The following CSMD1 variants were observed in gnomAD, a reference collection of about 807,000 sequenced individuals.
The protein encoded by CSMD1 is CUB and sushi domain-containing protein 1.
In CSMD1, 213 loss-of-function variants were observed where a neutral mutation model predicts 417.5. The observed-to-expected ratio is 0.51, with a 90% confidence interval of 0.46 to 0.57. CSMD1 has a LOEUF of 0.57. Among genes scored for constraint, CSMD1 ranks in the 20% least tolerant of loss-of-function variants. The pLI is 0.00. For missense variants in CSMD1, 6,923 were observed against 4,529.7 expected, an observed-to-expected ratio of 1.53 and a Z score of -15.17; for synonymous variants, 2,862 against 1,736.8, an observed-to-expected ratio of 1.65 and a Z score of -16.11.
intron 3 of CSMD1, among the ~76,000 whole-genome samples, chr8:4,036,964 T>G (rs1232226965): frequency 6.0e-4 from 38 of 63,804 alleles, no homozygotes; most frequent in African/African-American, 3.3e-3. Context: ...GGGGTGTGTG[T>G]GTGTGTGTGT....
At chr8:4,777,300 G>A (rs1339273231) in intron 1 of CSMD1, among the ~76,000 whole-genome samples, 1 of 152,200 alleles carries the variant, frequency 6.6e-6, no homozygotes, top group Non-Finnish European at 1.5e-5. Context: ...CTCAGTAGGT[G>A]GACGAAACCA....
intron 48 of CSMD1, 144 bp from the exon 49 acceptor site, chr8:3,087,429 G>C (rs1814621418): frequency 7.3e-6 from 6 of 824,934 alleles, no homozygotes; most frequent in Non-Finnish European, 1.1e-5. Flanking sequence ...TTGTTCTAAA[G>C]AGCATTCCAA....
rs1227337045 is a variant in CSMD1 at position 4,320,506 on chromosome 8, C to T, written c.415+99447G>A. Among the ~76,000 whole-genome samples the T allele has an allele frequency of 2.0e-5, 3 of 152,088 alleles. 1 individual carries two copies. The South Asian group carries it at 6.2e-4, about 32-fold the overall frequency. On this transcript the variant is annotated intron_variant, in intron 3 of 69. Transcript: ENST00000635120. The stretch of plus-strand genomic sequence containing the variant: ...TATTTTTCCTAATGCTATTCCTCCC[C>T]TAGACCCCCACCCCCCAACAGGCCC...
intron 4 of CSMD1, among the ~76,000 whole-genome samples, chr8:4,010,119 T>C (rs901923875): frequency 1.3e-5 from 2 of 152,216 alleles, no homozygotes; most frequent in South Asian, 4.1e-4. Flanking sequence ...CTTCCTCTGA[T>C]GGAAACCTGA....
chr8:3,614,055 G>T (rs530438833), intron 8 of CSMD1, among the ~76,000 whole-genome samples: 8 of 152,140 alleles, frequency 5.3e-5, no homozygotes, highest in South Asian at 2.1e-4. Context: ...TAACTAGCTT[G>T]TCTCTGTTAT....
chr8:4,921,059 GAAAA>G (rs1806461301), intron 1 of CSMD1, among the ~76,000 whole-genome samples: 1 of 127,834 alleles, frequency 7.8e-6, no homozygotes, highest in Non-Finnish European at 1.7e-5. Context: ...AAAAGAGAAA[GAAAA>G]GAAAGAGAAA....
chr8:3,853,035 G>T (rs369828852), intron 5 of CSMD1, among the ~76,000 whole-genome samples: 1 of 151,946 alleles, frequency 6.6e-6, no homozygotes, highest in East Asian at 1.9e-4. Context: ...TACATCTCCC[G>T]TCCTCATGTC....
chr8:3,403,116 G>T (rs1255628488), intron 15 of CSMD1, among the ~76,000 whole-genome samples: 3 of 152,030 alleles, frequency 2.0e-5, no homozygotes, highest in Non-Finnish European at 4.4e-5. Flanking sequence ...AATATTACAG[G>T]GCATGAGACC....
chr8:4,956,521 T>G lies in CSMD1; in HGVS notation c.85+37811A>C, dbSNP rs141896448. The stretch of plus-strand genomic sequence containing the variant: ...TATATGTTATCATATACACACGTAT[T>G]TTAAATATATTATAAAATATATGTG... On this transcript the variant is annotated intron_variant, in intron 1 of 69. Transcript: ENST00000635120. Among the ~76,000 whole-genome samples, 54 of 149,048 alleles carry G rather than the reference T, an allele frequency of 3.6e-4. No homozygotes were observed. The East Asian group carries it at 9.2e-3, about 25-fold the overall frequency.
chr8:4,186,408 C>A (rs901334505), intron 3 of CSMD1, among the ~76,000 whole-genome samples: 8 of 152,056 alleles, frequency 5.3e-5, no homozygotes, highest in African/African-American at 1.9e-4. Flanking sequence ...CAGTCCAGTC[C>A]CTGACACACT....
intron 1 of CSMD1, among the ~76,000 whole-genome samples, chr8:4,684,139 CA>C (rs1452026903): frequency 6.6e-6 from 1 of 152,158 alleles, no homozygotes; most frequent in Non-Finnish European, 1.5e-5. Context: ...ATTTCATATA[CA>C]CACGTCAATA....
At chr8:4,689,592 T>C (rs886312616) in intron 1 of CSMD1, among the ~76,000 whole-genome samples, 3 of 152,206 alleles carry the variant, frequency 2.0e-5, no homozygotes, top group Non-Finnish European at 4.4e-5. Context: ...AATAACACAG[T>C]TCAGTAAGAT....
intron 5 of CSMD1, among the ~76,000 whole-genome samples, chr8:3,769,080 G>C (rs1308221860): frequency 6.6e-6 from 1 of 152,350 alleles, no homozygotes; most frequent in South Asian, 2.1e-4. Context: ...AAAAGTCAGA[G>C]TTGAGCAAAC....
At chr8:3,268,036 T>C (rs1451875894) in intron 26 of CSMD1, among the ~76,000 whole-genome samples, 5 of 152,070 alleles carry the variant, frequency 3.3e-5, no homozygotes, top group African/African-American at 1.2e-4. Flanking sequence ...GGTAGTTTTA[T>C]GAGGGACGGG....
rs190545928 is a variant in CSMD1, at chr8:3,661,405, T to A, written c.1010-44608A>T. Among the ~76,000 whole-genome samples, 434 of 152,332 alleles carry A rather than the reference T, an allele frequency of 2.8e-3. 2 individuals carry two copies. Among genetic ancestry groups the A allele is most frequent in the African/African-American group, 9.9e-3 (410 of 41,568 alleles). On this transcript the variant is annotated intron_variant, in intron 7 of 69. Transcript: ENST00000635120. ...CTTCCCTTTTTTTGTGTATAAATCT[T>A]CTTCCACCACGTGGCTGTGCTGAGG... is the stretch of plus-strand genomic sequence containing the variant.
chr8:4,127,367 C>A (rs916438802), intron 3 of CSMD1, among the ~76,000 whole-genome samples: 1 of 149,914 alleles, frequency 6.7e-6, no homozygotes, highest in East Asian at 2.0e-4. Context: ...TATCCTTCAG[C>A]TTCAGCCACC....
intron 3 of CSMD1, among the ~76,000 whole-genome samples, chr8:4,209,272 T>A (rs1193226194): frequency 6.6e-6 from 1 of 152,178 alleles, no homozygotes; most frequent in African/African-American, 2.4e-5. Context: ...GCTGGCCTCT[T>A]TCCTTCATTT....
Position 4,165,393 on chromosome 8 carries a change from T to C in CSMD1, c.416-133294A>G, listed in dbSNP as rs1048309070. Reference sequence around the variant, plus strand: ...ACAACTCTTACTAAAAGATGTGCCATTTGTAGAAAATATAAGCATCATGTT... The same window carrying C: ...ACAACTCTTACTAAAAGATGTGCCACTTGTAGAAAATATAAGCATCATGTT... On this transcript the variant is annotated intron_variant, in intron 3 of 69. Transcript: ENST00000635120. 2.6e-5 allele frequency among the ~76,000 whole-genome samples: 4 copies of C among 152,224 alleles called. No homozygotes were observed. The South Asian group carries it at 8.3e-4, about 31-fold the overall frequency.
At chr8:4,948,813 G>A (rs774411824) in intron 1 of CSMD1, among the ~76,000 whole-genome samples, 1 of 151,978 alleles carries the variant, frequency 6.6e-6, no homozygotes, top group Non-Finnish European at 1.5e-5. Flanking sequence ...TATTCCCCTA[G>A]AATGGAGCTG....
Sources: gnomAD v4.1 joint callset for allele counts (sites outside exome capture counted in the v4.1 genomes callset) on GRCh38, gnomAD v4.1.1 for gene constraint, MANE v1.5 for transcripts, NCBI Gene and HGNC (gene_info 2026-07-23, HGNC 2026-07-21) for gene names.